Variants in TF observed in about 807,000 individuals in gnomAD.
TF encodes serotransferrin.
TF carries 55 observed loss-of-function variants against 82.4 expected under a neutral mutation model. That is an observed-to-expected ratio of 0.67 (90% CI 0.54 to 0.84). The LOEUF is 0.84. TF is among the 40% of genes least tolerant of loss of function. The pLI, the probability that TF is intolerant of heterozygous loss-of-function variation, is 0.00. For missense variants in TF, 737 were observed against 868.4 expected (o/e 0.85, Z 1.90); for synonymous variants, 332 against 332.6 (o/e 1.00, Z 0.02).
the TF span, among the ~76,000 whole-genome samples, chr3:133,693,878 G>A: frequency 1.3e-5 from 2 of 152,212 alleles, no homozygotes; most frequent in Non-Finnish European, 2.9e-5. Flanking sequence ...GCAGAGCTGC[G>A]TGCCACTGGG....
chr3:133,739,127 T>C, the TF span, among the ~76,000 whole-genome samples: 1 of 152,126 alleles, frequency 6.6e-6, no homozygotes, highest in Non-Finnish European at 1.5e-5. Flanking sequence ...TATAGACCAA[T>C]GGAACAGAAC....
chr3:133,722,433 C>A, the TF span, among the ~76,000 whole-genome samples: 1 of 152,088 alleles, frequency 6.6e-6, no homozygotes, highest in African/African-American at 2.4e-5. Flanking sequence ...TAGATAAGAA[C>A]TTACTCCTGA....
At chr3:133,711,862 C>T in the TF span, among the ~76,000 whole-genome samples, 3 of 152,182 alleles carry the variant, frequency 2.0e-5, no homozygotes, top group South Asian at 2.1e-4. Context: ...CTGCACTCAC[C>T]GTCATTTTCT....
Position 133,748,593 on chromosome 3 carries a change from C to T in TF, c.216+9C>T. ...GCATCAGGGCCATTGCGGTAAGTCGCTGCTGCCTAAAAGAGAGTGGAAGAA... is the reference window on the plus strand; with the variant it reads ...GCATCAGGGCCATTGCGGTAAGTCGTTGCTGCCTAAAAGAGAGTGGAAGAA... On this transcript the variant is annotated intron_variant, in intron 2 of 16. Coordinates refer to ENST00000402696, the MANE Select transcript of TF (RefSeq NM_001063.4). 1.2e-6 allele frequency: 2 copies of T among 1,613,962 alleles called. No homozygotes were observed. Among genetic ancestry groups the T allele is most frequent in the Non-Finnish European group, 8.5e-7 (1 of 1,179,972 alleles).
At chr3:133,744,326 G>A (rs1419492023), upstream of TF, among the ~76,000 whole-genome samples, 1 of 152,192 alleles carries the variant, frequency 6.6e-6, no homozygotes, top group Non-Finnish European at 1.5e-5. Context: ...GAGCTTCCCT[G>A]AGTTTGTGGC....
rs1934820218 is a variant in TF at position 133,791,088 on chromosome 3, G to A, written c.*12468G>A. ...ATTTCTAGTGGAAGGCTTTTATTTG[G>A]TTCTGTGAATAGTTATTTTGTTCCC... On this transcript the variant is annotated 3_prime_UTR_variant, in exon 17 of 17. Transcript: ENST00000402696. The A allele has an allele frequency of 1.3e-5, 2 of 151,898 alleles. 1 individual carries two copies. The highest frequency in any genetic ancestry group is 4.2e-4 in the South Asian group (2 of 4,808). The allele number at this position is 151,898 out of a possible 1,614,324, so 9.4% of individuals were successfully genotyped here.
At chr3:133,693,487 G>T in the TF span, among the ~76,000 whole-genome samples, 1 of 152,218 alleles carries the variant, frequency 6.6e-6, no homozygotes, top group African/African-American at 2.4e-5. Flanking sequence ...GCCAACCTCT[G>T]CAGTGTTGAT....
chr3:133,767,460 G>T (rs1360723152), intron 12 of TF, among the ~76,000 whole-genome samples: 1 of 152,216 alleles, frequency 6.6e-6, no homozygotes, highest in Non-Finnish European at 1.5e-5. Context: ...AGGGTGCTTT[G>T]TGACACCACT....
rs1410359177 is a variant in TF, at chr3:133,783,917, TG to T, written c.*5300del. ...CTGAGCCGCCTGGACGCAGCGCCCC[TG>T]GGTGGCGGCAGGTATAGCAGGGCGG... On this transcript the variant is annotated 3_prime_UTR_variant, in exon 17 of 17. Transcript: ENST00000402696. The T allele has an allele frequency of 3.3e-5, 5 of 152,270 alleles. No individual in the cohort carries two copies. The highest frequency in any genetic ancestry group is 7.3e-5 in the Non-Finnish European group (5 of 68,086). The allele number at this position is 152,270 out of a possible 1,614,324, so 9.4% of individuals were successfully genotyped here. A position where few individuals can be genotyped will look rare whatever the true frequency, so the allele number is the denominator to read the frequency against.
chr3:133,667,356 C>CAAA, the TF span, among the ~76,000 whole-genome samples: 123 of 128,014 alleles, frequency 9.6e-4, 2 homozygotes, highest in African/African-American at 2.1e-3. Context: ...GACTCTGACT[C>CAAA]AAAAAAAAAA....
At chr3:133,663,935 A>G in the TF span, among the ~76,000 whole-genome samples, 1 of 152,194 alleles carries the variant, frequency 6.6e-6, no homozygotes, top group South Asian at 2.1e-4. Context: ...AGAGTTCACC[A>G]CTAGGGGGCA....
chr3:133,720,094 T>C, the TF span, among the ~76,000 whole-genome samples: 6 of 152,312 alleles, frequency 3.9e-5, no homozygotes, highest in East Asian at 1.2e-3. Context: ...TCCCTATTTT[T>C]TCTCCTTCCT....
chr3:133,754,376 G>T (rs965291657), intron 3 of TF, 119 bp from the exon 4 acceptor site: 12 of 1,023,312 alleles, frequency 1.2e-5, no homozygotes, highest in Middle Eastern at 2.8e-4. Flanking sequence ...ACTCCTTATC[G>T]CCCAGTCCAG....
chr3:133,663,833 A>G, the TF span, among the ~76,000 whole-genome samples: 1 of 152,218 alleles, frequency 6.6e-6, no homozygotes, highest in East Asian at 1.9e-4. Flanking sequence ...AAGGAGATTC[A>G]TAGATGCTGC....
chr3:133,729,397 C>T, the TF span, among the ~76,000 whole-genome samples: 2 of 152,242 alleles, frequency 1.3e-5, no homozygotes, highest in African/African-American at 4.8e-5. Flanking sequence ...TGCTGCCTTG[C>T]GGTTTGATCT....
At chr3:133,678,892 A>T in the TF span, among the ~76,000 whole-genome samples, 1 of 126,522 alleles carries the variant, frequency 7.9e-6, no homozygotes, top group Non-Finnish European at 1.7e-5. Flanking sequence ...TTTTGTTTTG[A>T]GATGAAATCT....
At chr3:133,737,490 A>G in the TF span, among the ~76,000 whole-genome samples, 16 of 145,574 alleles carry the variant, frequency 1.1e-4, no homozygotes, top group Admixed American at 1.1e-3. Flanking sequence ...GGAGGTAGAG[A>G]CACACAAAAA....
the TF span, among the ~76,000 whole-genome samples, chr3:133,711,449 T>A: frequency 6.6e-6 from 1 of 152,130 alleles, no homozygotes; most frequent in African/African-American, 2.4e-5. Context: ...GAATGCACCA[T>A]CCCTGCCGAG....
chr3:133,667,567 G>C, the TF span, among the ~76,000 whole-genome samples: 2 of 151,914 alleles, frequency 1.3e-5, no homozygotes, highest in South Asian at 4.2e-4. Context: ...GAGAGAGAGA[G>C]GTATGGGGCC....
Sources: gnomAD v4.1 joint callset for allele counts (sites outside exome capture counted in the v4.1 genomes callset) on GRCh38, gnomAD v4.1.1 for gene constraint, MANE v1.5 for transcripts, NCBI Gene and HGNC (gene_info 2026-07-23, HGNC 2026-07-21) for gene names.